Variants in TIAM2 observed in about 807,000 individuals in gnomAD.
TIAM2 encodes rho guanine nucleotide exchange factor TIAM2.
TIAM2 carries 80 observed loss-of-function variants against 152.9 expected under a neutral mutation model. That is an observed-to-expected ratio of 0.52 (90% confidence interval 0.44 to 0.63). TIAM2 has a LOEUF of 0.63. Ranked by LOEUF, TIAM2 falls within the 30% of genes least tolerant of loss-of-function variation. The pLI, the probability that TIAM2 is intolerant of heterozygous loss-of-function variation, is 0.00. For missense variants in TIAM2, 1,965 were observed against 2,120.1 expected (o/e 0.93, Z 1.44); for synonymous variants, 804 against 838.0 (o/e 0.96, Z 0.70).
intron 7 of TIAM2, among the ~76,000 whole-genome samples, chr6:155,157,192 A>G (rs1338217618): frequency 6.6e-6 from 1 of 152,182 alleles, no homozygotes; most frequent in Non-Finnish European, 1.5e-5. Context: ...TGCAGGAAAC[A>G]GAGATCTTCT....
intron 1 of TIAM2, among the ~76,000 whole-genome samples, chr6:155,082,415 C>T (rs1475997500): frequency 6.6e-6 from 1 of 151,994 alleles, no homozygotes; most frequent in Non-Finnish European, 1.5e-5. Context: ...CTTTGGGAGG[C>T]TGAGGTGGGT....
intron 4 of TIAM2, among the ~76,000 whole-genome samples, chr6:155,136,212 AAAAC>A (rs1779551448): frequency 6.6e-6 from 1 of 151,632 alleles, no homozygotes. Context: ...AAAAAAAAGA[AAAAC>A]AAAAAAGCTA....
chr6:155,230,645 G>GT (rs1445707404), intron 15 of TIAM2, among the ~76,000 whole-genome samples: 1 of 151,976 alleles, frequency 6.6e-6, no homozygotes, highest in Non-Finnish European at 1.5e-5. Flanking sequence ...ATTAAAAATT[G>GT]TAAAAATTCA....
chr6:155,062,093 A>G (rs1029830756), intron 1 of TIAM2, among the ~76,000 whole-genome samples: 1 of 27,364 alleles, frequency 3.7e-5, no homozygotes, highest in East Asian at 1.3e-3. Context: ...TCGCCCCCCC[A>G]CCGCCCCCGC....
At chr6:155,030,087 C>T (rs987856397) in intron 1 of TIAM2, among the ~76,000 whole-genome samples, 1 of 152,136 alleles carries the variant, frequency 6.6e-6, no homozygotes, top group Non-Finnish European at 1.5e-5. Context: ...GCCACTGTGC[C>T]TTTGTTGTTC....
At chr6:155,098,980 G>C (rs939467696) in intron 2 of TIAM2, among the ~76,000 whole-genome samples, 1 of 152,178 alleles carries the variant, frequency 6.6e-6, no homozygotes, top group African/African-American at 2.4e-5. Flanking sequence ...CTCAGGTCAG[G>C]AGTTTGAGAC....
chr6:155,206,844 A>C (rs950216468), intron 14 of TIAM2, among the ~76,000 whole-genome samples: 2 of 152,224 alleles, frequency 1.3e-5, no homozygotes, highest in Admixed American at 6.5e-5. Context: ...AGGGTATATT[A>C]ACCAGATACA....
chr6:155,240,816 C>T lies in TIAM2; in HGVS notation c.3348+107C>T, dbSNP rs1226875535. The T allele has an allele frequency of 5.2e-6, 6 of 1,150,872 alleles. No homozygotes were observed. The East Asian group carries it at 1.5e-4, about 29-fold the overall frequency. The allele number at this position is 1,150,872 out of a possible 1,614,324, so 71.3% of individuals were successfully genotyped here. ...TCTGCCCAGGACACCTGCCACTCCC[C>T]AGGGGGGGACACCTGCTCCTTGAAT... On this transcript the variant is annotated intron_variant, in intron 16 of 26. Coordinates refer to ENST00000682666, the MANE Select transcript of TIAM2 (RefSeq NM_012454.4).
chr6:155,029,412 AT>A lies in TIAM2; in HGVS notation c.-209+33921del, dbSNP rs1562295044. On this transcript the variant is annotated intron_variant, in intron 1 of 26. Coordinates refer to ENST00000682666, the MANE Select transcript of TIAM2 (RefSeq NM_012454.4). Reference sequence around the variant, plus strand: ...ATATATATACTATAGTATATATAATATATACTATATATACTATAGTATATAT... The same window carrying A: ...ATATATATACTATAGTATATATAATAATACTATATATACTATAGTATATAT... Among the ~76,000 whole-genome samples, 15 of 91,432 alleles carry A rather than the reference AT, an allele frequency of 1.6e-4. 1 individual carries two copies. Among genetic ancestry groups the A allele is most frequent in the Non-Finnish European group, 3.0e-4 (15 of 50,464 alleles). 60.0% of individuals were successfully genotyped at this position (91,432 alleles called of 152,430 possible).
At chr6:155,122,838 C>T (rs965942712) in intron 2 of TIAM2, among the ~76,000 whole-genome samples, 1 of 138,634 alleles carries the variant, frequency 7.2e-6, no homozygotes, top group Non-Finnish European at 1.5e-5. Context: ...ACACCAGGCC[C>T]TTTTAAAGTA....
intron 1 of TIAM2, among the ~76,000 whole-genome samples, chr6:155,075,864 TA>T (rs1777945120): frequency 1.3e-5 from 2 of 152,190 alleles, no homozygotes; most frequent in Non-Finnish European, 2.9e-5. Flanking sequence ...CATTATTCCT[TA>T]ATTCGTATGA....
At chr6:154,997,748 T>G (rs1312080530) in intron 1 of TIAM2, among the ~76,000 whole-genome samples, 1 of 148,134 alleles carries the variant, frequency 6.8e-6, no homozygotes. Flanking sequence ...TCAATTGATC[T>G]TCCTTCTCTG....
intron 9 of TIAM2, among the ~76,000 whole-genome samples, chr6:155,172,055 C>T (rs1335746673): frequency 6.6e-6 from 1 of 152,142 alleles, no homozygotes; most frequent in Non-Finnish European, 1.5e-5. Flanking sequence ...AATTTTTTCT[C>T]CTTGCTGCAT....
Position 155,054,450 on chromosome 6 carries a change from AG to A in TIAM2, c.-208-35834del, listed in dbSNP as rs1285656103. ...CAATCTCAGATATAGAAATTAGGTG[AG>A]GGGGAAGAAGGAAATTAGTATGTGA... On this transcript the variant is annotated intron_variant, in intron 1 of 26. Coordinates refer to ENST00000682666, the MANE Select transcript of TIAM2 (RefSeq NM_012454.4). 3.3e-5 allele frequency among the ~76,000 whole-genome samples: 5 copies of A among 152,282 alleles called. No individual in the cohort carries two copies. The East Asian group carries it at 5.8e-4, about 18-fold the overall frequency.
intron 1 of TIAM2, among the ~76,000 whole-genome samples, chr6:155,055,173 C>T (rs757445497): frequency 6.6e-5 from 10 of 152,188 alleles, no homozygotes; most frequent in Non-Finnish European, 1.0e-4. Context: ...AAGCAAGAAG[C>T]GTGGGTGTCT....
intron 16 of TIAM2, among the ~76,000 whole-genome samples, chr6:155,241,384 C>T (rs1783025788): frequency 6.6e-6 from 1 of 152,200 alleles, no homozygotes; most frequent in East Asian, 1.9e-4. Context: ...TTGTCAGTTA[C>T]TGAAGCAGCG....
chr6:155,256,376 T>A, intron 26 of TIAM2, 108 bp from the exon 27 acceptor site: 2 of 1,496,536 alleles, frequency 1.3e-6, no homozygotes, highest in Non-Finnish European at 1.8e-6. Context: ...TGAAGTCATA[T>A]CATAAAATAA....
At chr6:155,229,844 C>T (rs1240729383) in intron 15 of TIAM2, among the ~76,000 whole-genome samples, 2 of 152,210 alleles carry the variant, frequency 1.3e-5, no homozygotes, top group Non-Finnish European at 2.9e-5. Context: ...AGCAAAGTCA[C>T]ATCTTACATG....
chr6:155,147,459 A>G (rs1473044558), intron 6 of TIAM2, among the ~76,000 whole-genome samples: 1 of 152,028 alleles, frequency 6.6e-6, no homozygotes, highest in Non-Finnish European at 1.5e-5. Context: ...GGCATGCACC[A>G]CCACACCCGG....
Sources: allele counts gnomAD v4.1 joint callset (sites outside exome capture counted in the v4.1 genomes callset), GRCh38; gene constraint gnomAD v4.1.1; transcripts MANE v1.5; gene names NCBI Gene and HGNC (gene_info 2026-07-23, HGNC 2026-07-21).